ASCC3: variants seen among roughly 807,000 people sequenced by gnomAD.
ASCC3 encodes ASC-1 complex subunit P200.
Under a neutral mutation model 256.3 loss-of-function variants are expected in ASCC3, and 158 were observed. The observed-to-expected ratio is 0.62, with a 90% CI of 0.54 to 0.70. ASCC3 has a LOEUF of 0.70. Among genes scored for constraint, ASCC3 ranks in the 30% least tolerant of loss-of-function variants. The probability of loss-of-function intolerance (pLI) is 0.00; values close to 1 mark genes in which losing one functional copy is unlikely to be tolerated. For synonymous variants in ASCC3, 948 were observed against 883.4 expected, an observed-to-expected ratio of 1.07 and a Z score of -1.30; for missense variants, 2,259 against 2,626.0, an observed-to-expected ratio of 0.86 and a Z score of 3.05.
At position 100,540,199 on chromosome 6, in the gene ASCC3, G is replaced by C. The variant is rs758036804; in HGVS notation, c.5739C>G (p.Thr1913=). ...TGAGAGCTTGGTCCAAGACTGTTTT[G>C]GTATCAGTGTCATAATCTGGGCAGG... is the stretch of plus-strand genomic sequence containing the variant. The part of the protein sequence containing the change: ...MLPCPDYDTD[T]KTVLDQALRV... The change falls in exon 37 of 42, where the codon ACC becomes ACG. Residue 1913 remains threonine, a synonymous_variant. Coordinates refer to ENST00000369162, the MANE Select transcript of ASCC3 (RefSeq NM_006828.4). The C allele has an allele frequency of 8.7e-6, 14 of 1,613,914 alleles. No homozygotes were observed. The East Asian group carries it at 3.1e-4, about 36-fold the overall frequency.
intron 30 of ASCC3, among the ~76,000 whole-genome samples, chr6:100,610,844 C>T (rs1260536248): frequency 6.6e-6 from 1 of 152,114 alleles, no homozygotes; most frequent in African/African-American, 2.4e-5. Flanking sequence ...CATTAGACAA[C>T]TTATTCTCCA....
intron 30 of ASCC3, among the ~76,000 whole-genome samples, chr6:100,608,953 C>T (rs1582554936): frequency 2.0e-5 from 3 of 148,346 alleles, no homozygotes; most frequent in Admixed American, 6.9e-5. Flanking sequence ...TTAGTAGAGA[C>T]GGGGTTTCCC....
intron 13 of ASCC3, among the ~76,000 whole-genome samples, chr6:100,693,271 A>G (rs1777922893): frequency 6.6e-6 from 1 of 152,094 alleles, no homozygotes. Context: ...TGAGGTGTTC[A>G]AGTTTTGGTC....
At position 100,516,170 on chromosome 6, in the gene ASCC3, A is replaced by G. The variant is rs1321703569; in HGVS notation, c.6075+10T>C. On this transcript the variant is annotated intron_variant, in intron 39 of 41. Transcript: ENST00000369162. Reference sequence around the variant, plus strand: ...GGGGAGCCTTCAAAACACTTAAGAGATGGTCTTACCTGTTTCGTTTTTGCA... The same window carrying G: ...GGGGAGCCTTCAAAACACTTAAGAGGTGGTCTTACCTGTTTCGTTTTTGCA... 1.2e-6 allele frequency: 2 copies of G among 1,613,450 alleles called. No individual in the cohort carries two copies. Among genetic ancestry groups the G allele is most frequent in the East Asian group, 4.5e-5 (2 of 44,838 alleles).
At chr6:100,715,891 A>G (rs190527153) in intron 12 of ASCC3, among the ~76,000 whole-genome samples, 112 of 151,880 alleles carry the variant, frequency 7.4e-4, no homozygotes, top group African/African-American at 2.4e-3. Flanking sequence ...GCTATTTTCC[A>G]TATATTTCAT....
At chr6:100,619,049 G>T (rs1373479224) in intron 30 of ASCC3, among the ~76,000 whole-genome samples, 1 of 152,142 alleles carries the variant, frequency 6.6e-6, no homozygotes, top group Admixed American at 6.5e-5. Context: ...CCTGGGAAAG[G>T]TTGGGGTACT....
chr6:100,845,730 T>C (rs571675057), intron 4 of ASCC3, among the ~76,000 whole-genome samples: 2 of 152,310 alleles, frequency 1.3e-5, no homozygotes, highest in African/African-American at 2.4e-5. Flanking sequence ...TGTAATCATA[T>C]GAATATACTT....
chr6:100,800,556 A>C (rs1582883179), intron 5 of ASCC3, 52 bp from the exon 6 acceptor site: 1 of 1,382,062 alleles, frequency 7.2e-7, no homozygotes, highest in East Asian at 2.4e-5. Context: ...AATATGATTT[A>C]ACCTTCATGA....
chr6:100,564,700 T>C (rs1307696076), intron 36 of ASCC3, among the ~76,000 whole-genome samples: 1 of 152,204 alleles, frequency 6.6e-6, no homozygotes, highest in Non-Finnish European at 1.5e-5. Flanking sequence ...GTAGGTGCTA[T>C]ATAAAATATC....
In ASCC3 at chr6:100,718,056, A is replaced by G. The variant is rs759193415; in HGVS notation, c.2079+19T>C. ...GTCAACAAAAATATTTTTAGATAAG[A>G]ATTAAAATGAGTATTTACCTTATTT... On this transcript the variant is annotated intron_variant, in intron 12 of 41. Coordinates refer to ENST00000369162, the MANE Select transcript of ASCC3 (RefSeq NM_006828.4). 5.6e-6 allele frequency: 9 copies of G among 1,607,486 alleles called. No individual in the cohort carries two copies. The South Asian group carries it at 9.9e-5, about 18-fold the overall frequency.
intron 39 of ASCC3, among the ~76,000 whole-genome samples, chr6:100,514,501 T>TCC (rs1244515314): frequency 1.2e-4 from 19 of 152,284 alleles, no homozygotes; most frequent in African/African-American, 4.3e-4. Flanking sequence ...GGGATTTTAC[T>TCC]TTACAAAGTC....
chr6:100,583,100 G>T (rs891431535), intron 36 of ASCC3, among the ~76,000 whole-genome samples: 17 of 152,102 alleles, frequency 1.1e-4, no homozygotes, highest in African/African-American at 2.9e-4. Flanking sequence ...TGCTGCCTCA[G>T]AAAATGAGTT....
intron 13 of ASCC3, among the ~76,000 whole-genome samples, chr6:100,691,185 C>T (rs1394823123): frequency 6.6e-6 from 1 of 151,826 alleles, no homozygotes; most frequent in Admixed American, 6.6e-5. Context: ...AAAATATTAT[C>T]TTACAATCAA....
chr6:100,809,147 C>T (rs867645251), intron 4 of ASCC3, among the ~76,000 whole-genome samples: 108 of 151,614 alleles, frequency 7.1e-4, no homozygotes, highest in African/African-American at 2.5e-3. Flanking sequence ...ACACTATTCA[C>T]TTTGGCTACA....
chr6:100,830,635 C>A (rs1771575597), intron 4 of ASCC3, among the ~76,000 whole-genome samples: 1 of 152,108 alleles, frequency 6.6e-6, no homozygotes, highest in Middle Eastern at 3.2e-3. Context: ...ATAAACTGTC[C>A]TTTGTCTTTG....
chr6:100,650,118 A>G (rs1361850426), intron 20 of ASCC3, among the ~76,000 whole-genome samples: 3 of 151,656 alleles, frequency 2.0e-5, no homozygotes, highest in Non-Finnish European at 4.4e-5. Context: ...TTAATGATTA[A>G]AAATATTATT....
At chr6:100,727,832 A>AG (rs976353160) in intron 10 of ASCC3, among the ~76,000 whole-genome samples, 2 of 151,942 alleles carry the variant, frequency 1.3e-5, no homozygotes, top group African/African-American at 4.8e-5. Context: ...TTGGAGGGGG[A>AG]GGGGGGCCAG....
At chr6:100,514,533 T>C (rs938390067) in intron 39 of ASCC3, among the ~76,000 whole-genome samples, 1 of 152,092 alleles carries the variant, frequency 6.6e-6, no homozygotes, top group Non-Finnish European at 1.5e-5. Context: ...TATCTGGCTT[T>C]TATATATATG....
intron 39 of ASCC3, among the ~76,000 whole-genome samples, chr6:100,513,687 A>G (rs1315666973): frequency 6.6e-6 from 1 of 152,184 alleles, no homozygotes; most frequent in African/African-American, 2.4e-5. Context: ...AAAATGACAC[A>G]TTAAAAGATA....
Sources: gnomAD v4.1 joint callset for allele counts (sites outside exome capture counted in the v4.1 genomes callset) on GRCh38, gnomAD v4.1.1 for gene constraint, MANE v1.5 for transcripts, NCBI Gene and HGNC (gene_info 2026-07-23, HGNC 2026-07-21) for gene names.